The following CPHXL variants were observed in gnomAD, a reference collection of about 807,000 sequenced individuals.
CPHXL encodes cytoplasmic polyadenylated homeobox-like protein.
intron 1 of CPHXL, among the ~76,000 whole-genome samples, chr16:75,722,512 T>C (rs934970886): frequency 5.9e-5 from 9 of 152,048 alleles, no homozygotes; most frequent in African/African-American, 2.2e-4. Context: ...CTAGAAGAAA[T>C]GGATAAATTC....
intron 2 of CPHXL, among the ~76,000 whole-genome samples, chr16:75,717,039 G>C (rs965985985): frequency 2.0e-5 from 3 of 152,102 alleles, no homozygotes; most frequent in African/African-American, 7.2e-5. Flanking sequence ...ATCTTCCATA[G>C]ACTTAAGTCA....
At chr16:75,722,963 C>T (rs1357041598) in intron 1 of CPHXL, among the ~76,000 whole-genome samples, 2 of 152,132 alleles carry the variant, frequency 1.3e-5, no homozygotes, top group Non-Finnish European at 2.9e-5. Flanking sequence ...AATCAATAAA[C>T]GTAATCCAGC....
chr16:75,719,473 G>C (rs1959442767), intron 1 of CPHXL, among the ~76,000 whole-genome samples: 1 of 152,156 alleles, frequency 6.6e-6, no homozygotes, highest in Non-Finnish European at 1.5e-5. Context: ...GCCTGGCTCA[G>C]AGGGTCCTAC....
At chr16:75,717,625 C>T (rs1959411169) in intron 2 of CPHXL, among the ~76,000 whole-genome samples, 1 of 152,168 alleles carries the variant, frequency 6.6e-6, no homozygotes, top group South Asian at 2.1e-4. Flanking sequence ...CCCACCCCCA[C>T]ACCTGCAACC....
In CPHXL at chr16:75,721,225, A is replaced by G. The variant is rs529216083; in HGVS notation, c.26-2767T>C. Among the ~76,000 whole-genome samples, 359 of 152,342 alleles carry G rather than the reference A, an allele frequency of 2.4e-3. 1 individual carries two copies. Among genetic ancestry groups the G allele is most frequent in the African/African-American group, 8.3e-3 (344 of 41,584 alleles). ...GGCAAAATAACCAGCTAACATCATA[A>G]TGACAGGATCAAATTCACACATAAC... On this transcript the variant is annotated intron_variant, in intron 1 of 2. Transcript: ENST00000640559.
At chr16:75,720,383 A>G (rs1959458657) in intron 1 of CPHXL, among the ~76,000 whole-genome samples, 1 of 152,228 alleles carries the variant, frequency 6.6e-6, no homozygotes, top group Non-Finnish European at 1.5e-5. Flanking sequence ...GCTAAGTAGA[A>G]TAACCAAAGC....
At position 75,714,230 on chromosome 16, in the gene CPHXL, T is replaced by C. The variant is rs1267575142; in HGVS notation, c.1212A>G (p.Gln404=). 1 of 398,542 alleles carries C rather than the reference T, an allele frequency of 2.5e-6. No individual in the cohort carries two copies. The highest frequency in any genetic ancestry group is 2.1e-5 in the African/African-American group (1 of 48,634). 24.7% of individuals were successfully genotyped at this position (398,542 alleles called of 1,614,324 possible). A position where few individuals can be genotyped will look rare whatever the true frequency, so the allele number is the denominator to read the frequency against. The stretch of plus-strand genomic sequence containing the variant: ...CCCTTGTCCACTCTTCAACTTAAAG[T>C]TGCTGCATTTGGGTCCTGGGTTGCT... ...ASEQPRTQMQ[Q]L Residue 404 remains glutamine (Q), a synonymous_variant, in exon 3 of 3, where the codon CAA becomes CAG. Transcript: ENST00000640559.
At chr16:75,724,744 A>C (rs1471148915) in intron 1 of CPHXL, among the ~76,000 whole-genome samples, 2 of 152,208 alleles carry the variant, frequency 1.3e-5, no homozygotes, top group Non-Finnish European at 2.9e-5. Flanking sequence ...AGAACTAGAA[A>C]TGCCATTTGA....
Position 75,715,015 on chromosome 16 carries a change from C to G in CPHXL, c.427G>C (p.Glu143Gln). 1 of 398,658 alleles carries G rather than the reference C, an allele frequency of 2.5e-6. No individual in the cohort carries two copies. Among genetic ancestry groups the G allele is most frequent in the Non-Finnish European group, 4.4e-6 (1 of 226,082 alleles). The allele number at this position is 398,658 out of a possible 1,614,324, so 24.7% of individuals were successfully genotyped here. ...TCTTGACTGGGAATCCACTGTTTCT[C>G]CAGATGGGAGCAACCAGCTCTTCTC... ...LMRRAGCSHL[E>Q]KQWIPSQEMG... The change falls in exon 3 of 3, where the codon GAG becomes CAG. Residue 143 changes from glutamate to glutamine, a missense_variant. Physicochemically the swap from Glu to Gln is conservative, Grantham distance 29 (BLOSUM62 2). Transcript: ENST00000640559.
At chr16:75,715,822 G>A (rs1312604421) in intron 2 of CPHXL, among the ~76,000 whole-genome samples, 3 of 151,660 alleles carry the variant, frequency 2.0e-5, no homozygotes, top group South Asian at 4.2e-4. Flanking sequence ...TCAGCCTCCC[G>A]AGTAGCTGGA....
At chr16:75,719,240 G>A (rs1959439043) in intron 1 of CPHXL, among the ~76,000 whole-genome samples, 1 of 152,186 alleles carries the variant, frequency 6.6e-6, no homozygotes, top group Non-Finnish European at 1.5e-5. Context: ...TCACTGGGGA[G>A]TGTTGGGAAG....
In CPHXL at chr16:75,725,908, A is replaced by G. The variant is rs191175597; in HGVS notation, c.25+510T>C. ...CTTTAGGCATACAGCCAGTCATACT[A>G]AATTGGATAAACACTTAAATGTACA... is the stretch of plus-strand genomic sequence containing the variant. On this transcript the variant is annotated intron_variant, in intron 1 of 2. Transcript: ENST00000640559. Among the ~76,000 whole-genome samples the G allele has an allele frequency of 2.0e-3, 299 of 151,972 alleles. 5 individuals are homozygous for G. The South Asian group carries it at 0.021, about 11-fold the overall frequency.
chr16:75,722,040 T>C (rs928033521), intron 1 of CPHXL, among the ~76,000 whole-genome samples: 1 of 152,232 alleles, frequency 6.6e-6, no homozygotes, highest in Non-Finnish European at 1.5e-5. Flanking sequence ...GAAACAAAGA[T>C]GTTCTTTGAA....
chr16:75,723,163 T>C (rs2151840090), intron 1 of CPHXL, among the ~76,000 whole-genome samples: 1 of 152,268 alleles, frequency 6.6e-6, no homozygotes, highest in East Asian at 1.9e-4. Context: ...GGGCAAAAAC[T>C]GGAAGCATTC....
chr16:75,716,046 C>A (rs971881779), intron 2 of CPHXL, among the ~76,000 whole-genome samples: 1 of 151,886 alleles, frequency 6.6e-6, no homozygotes, highest in African/African-American at 2.4e-5. Flanking sequence ...CATTGGTTCA[C>A]GGGTTACAAC....
intron 2 of CPHXL, among the ~76,000 whole-genome samples, chr16:75,717,536 A>C (rs113742857): frequency 8.1e-4 from 123 of 152,272 alleles, no homozygotes; most frequent in African/African-American, 2.9e-3. Flanking sequence ...AATATAACAC[A>C]AATGCTACAT....
chr16:75,714,497 C>T lies in CPHXL; in HGVS notation c.945G>A (p.Leu315=), dbSNP rs1959360932. 1.0e-5 allele frequency: 4 copies of T among 398,658 alleles called. No homozygotes were observed. The highest frequency in any genetic ancestry group is 1.8e-5 in the Non-Finnish European group (4 of 226,082). 24.7% of individuals were successfully genotyped at this position (398,658 alleles called of 1,614,324 possible). Reference sequence around the variant, plus strand: ...AATTCTGAGGCTGTTGGTGCTGCTGCAGGTGATACTGCCAATCATTCTGCT... The same window carrying T: ...AATTCTGAGGCTGTTGGTGCTGCTGTAGGTGATACTGCCAATCATTCTGCT... The part of the protein sequence containing the change: ...QQQQNDWQYH[L]QQHQQPQNYL... The change falls in exon 3 of 3, where the codon CTG becomes CTA. Residue 315 remains leucine (L), a synonymous_variant. Transcript: ENST00000640559.
rs35659823 is a variant in CPHXL, at chr16:75,725,753, C to CTTT, written c.25+662_25+664dup. ...AGGAGTGAGCCACCGTGCCCGGCGT[C>CTTT]TTTTTTTTTTTTTTTTTTTTTTTTT... On this transcript the variant is annotated intron_variant, in intron 1 of 2. Transcript: ENST00000640559. Among the ~76,000 whole-genome samples the CTTT allele has an allele frequency of 8.3e-4, 36 of 43,318 alleles. 6 individuals are homozygous for CTTT. Among genetic ancestry groups the CTTT allele is most frequent in the Middle Eastern group, 0.037 (2 of 54 alleles). The allele number at this position is 43,318 out of a possible 152,430, so 28.4% of individuals were successfully genotyped here.
rs1490063649 is a variant in CPHXL at position 75,714,681 on chromosome 16, G to C, written c.761C>G (p.Pro254Arg). Residue 254 changes from proline to arginine, a missense_variant, in exon 3 of 3, where the codon CCT becomes CGT. Coordinates refer to ENST00000640559, the MANE Select transcript of CPHXL (RefSeq NM_001355613.1). ...AAAATATGGCACAGAAGATGGGGGA[G>C]GATGAAGGCATTCTGCAGAGTTGTA... ...LSYNSAECLHPPPSSVPYFHG... is the reference protein window; with the variant it reads ...LSYNSAECLHRPPSSVPYFHG... 1 of 398,538 alleles carries C rather than the reference G, an allele frequency of 2.5e-6. No homozygotes were observed. Among genetic ancestry groups the C allele is most frequent in the East Asian group, 3.6e-5 (1 of 28,098 alleles). 24.7% of individuals were successfully genotyped at this position (398,538 alleles called of 1,614,324 possible). A position where few individuals can be genotyped will look rare whatever the true frequency, so the allele number is the denominator to read the frequency against.
Sources: allele counts gnomAD v4.1 joint callset (sites outside exome capture counted in the v4.1 genomes callset), GRCh38; gene constraint gnomAD v4.1.1; transcripts MANE v1.5; gene names NCBI Gene and HGNC (gene_info 2026-07-23, HGNC 2026-07-21).